The following KLHL1 variants were observed in gnomAD, a reference collection of about 807,000 sequenced individuals.
KLHL1 encodes the protein kelch-like protein 1.
A neutral mutation model predicts 77.7 loss-of-function variants in KLHL1; 47 were observed. The observed-to-expected ratio is 0.60, with a 90% CI of 0.48 to 0.77. The LOEUF is 0.77. Ranked by LOEUF, KLHL1 falls within the 30% of genes least tolerant of loss-of-function variation. The pLI, the probability that KLHL1 is intolerant of heterozygous loss-of-function variation, is 0.00. For missense variants in KLHL1, 925 were observed against 910.8 expected (o/e 1.02, Z -0.20); for synonymous variants, 360 against 325.2 (o/e 1.11, Z -1.15).
intron 6 of KLHL1, among the ~76,000 whole-genome samples, chr13:69,798,622 ATATT>A (rs1174901623): frequency 6.6e-6 from 1 of 151,954 alleles, no homozygotes; most frequent in Non-Finnish European, 1.5e-5. Flanking sequence ...ATATTTTAAT[ATATT>A]TATTATATTG....
intron 2 of KLHL1, among the ~76,000 whole-genome samples, chr13:69,970,464 C>G (rs1566458438): frequency 6.6e-6 from 1 of 152,038 alleles, no homozygotes; most frequent in Non-Finnish European, 1.5e-5. Context: ...TTCTTGCCTT[C>G]TTTATGAGGC....
At position 69,946,493 on chromosome 13, in the gene KLHL1, GATTTT is replaced by G. The variant is rs1883529427; in HGVS notation, c.818-6262_818-6258del. 2.0e-5 allele frequency among the ~76,000 whole-genome samples: 3 copies of G among 151,780 alleles called. No homozygotes were observed. In the South Asian group the frequency reaches 6.2e-4, roughly 31 times the overall value. On this transcript the variant is annotated intron_variant, in intron 3 of 10. Transcript: ENST00000377844. The stretch of plus-strand genomic sequence containing the variant: ...TATTATAATTTACATTGAGGATTGT[GATTTT>G]TTTTCTTCTTTGTTCTCCTTTTTTT...
intron 1 of KLHL1, among the ~76,000 whole-genome samples, chr13:70,067,446 A>T (rs1038086586): frequency 1.3e-5 from 2 of 152,156 alleles, no homozygotes; most frequent in Non-Finnish European, 2.9e-5. Flanking sequence ...ACAGCCACTA[A>T]GGGTTACATA....
At chr13:69,802,728 A>AC (rs1172745949) in intron 6 of KLHL1, among the ~76,000 whole-genome samples, 3 of 150,746 alleles carry the variant, frequency 2.0e-5, no homozygotes, top group Non-Finnish European at 4.4e-5. Flanking sequence ...TCTCACGTGC[A>AC]CCCCCATAGA....
At chr13:69,899,546 G>A (rs1477824494) in intron 4 of KLHL1, among the ~76,000 whole-genome samples, 2 of 152,158 alleles carry the variant, frequency 1.3e-5, no homozygotes, top group Non-Finnish European at 2.9e-5. Flanking sequence ...ATATATTGAT[G>A]CTAGTCATAA....
rs1206350784 is a variant in KLHL1, at chr13:69,859,002, T to A, written c.1228-19840A>T. 2.6e-5 allele frequency among the ~76,000 whole-genome samples: 4 copies of A among 152,200 alleles called. No homozygotes were observed. In the East Asian group the frequency reaches 7.8e-4, roughly 30 times the overall value. ...TATTCATATACGTGTCCATCCAAAC[T>A]TCCATCTCATACATTGTTACATAAC... On this transcript the variant is annotated intron_variant, in intron 5 of 10. Transcript: ENST00000377844.
chr13:69,723,994 C>T (rs551536750), intron 8 of KLHL1, among the ~76,000 whole-genome samples: 27 of 151,984 alleles, frequency 1.8e-4, no homozygotes, highest in Non-Finnish European at 3.1e-4. Flanking sequence ...CCCACCACCA[C>T]GCCTGGATAA....
At chr13:69,781,707 G>T (rs114003307) in intron 7 of KLHL1, among the ~76,000 whole-genome samples, 2 of 151,840 alleles carry the variant, frequency 1.3e-5, no homozygotes, top group Admixed American at 6.6e-5. Context: ...CATAAAATCC[G>T]TTTTTTTGTC....
chr13:70,009,592 A>C (rs890758199), intron 1 of KLHL1, among the ~76,000 whole-genome samples: 1 of 152,130 alleles, frequency 6.6e-6, no homozygotes. Context: ...GGGTAGTGAG[A>C]GTTGGAAAAG....
At chr13:70,000,897 G>GA (rs1434107243) in intron 1 of KLHL1, among the ~76,000 whole-genome samples, 2 of 143,182 alleles carry the variant, frequency 1.4e-5, no homozygotes, top group South Asian at 2.2e-4. Context: ...AAATAAAATA[G>GA]AAAAAAGCAA....
At chr13:69,732,741 C>T (rs1873603058) in intron 8 of KLHL1, among the ~76,000 whole-genome samples, 1 of 151,896 alleles carries the variant, frequency 6.6e-6, no homozygotes, top group Admixed American at 6.6e-5. Context: ...GCACCAGACA[C>T]ACCTAGTTTG....
At chr13:69,757,870 T>A (rs1444626279) in intron 7 of KLHL1, among the ~76,000 whole-genome samples, 3 of 145,292 alleles carry the variant, frequency 2.1e-5, no homozygotes, top group South Asian at 2.1e-4. Context: ...GGCAGGAGAA[T>A]CTCCTGAACT....
chr13:70,045,172 G>T (rs1886465370), intron 1 of KLHL1, among the ~76,000 whole-genome samples: 2 of 152,132 alleles, frequency 1.3e-5, no homozygotes, highest in Middle Eastern at 3.4e-3. Flanking sequence ...AAGTTATATG[G>T]TTTTTCTAAG....
chr13:69,860,213 G>A (rs932430053), intron 5 of KLHL1, among the ~76,000 whole-genome samples: 3 of 151,860 alleles, frequency 2.0e-5, no homozygotes, highest in Admixed American at 1.3e-4. Flanking sequence ...GATATGGAGT[G>A]GTAGAATATA....
intron 7 of KLHL1, among the ~76,000 whole-genome samples, chr13:69,773,805 C>A (rs1457151460): frequency 1.3e-5 from 2 of 151,306 alleles, no homozygotes; most frequent in East Asian, 3.9e-4. Context: ...AATGTGAAGG[C>A]AATATCATGT....
At chr13:69,751,124 GTGT>G (rs1874460686) in intron 7 of KLHL1, among the ~76,000 whole-genome samples, 1 of 151,364 alleles carries the variant, frequency 6.6e-6, no homozygotes. Context: ...GTGTGTGTGT[GTGT>G]GTGTGTGTGT....
At chr13:69,841,756 G>C (rs537674423) in intron 5 of KLHL1, among the ~76,000 whole-genome samples, 18 of 151,704 alleles carry the variant, frequency 1.2e-4, no homozygotes, top group South Asian at 2.1e-4. Flanking sequence ...AAATGTCAAA[G>C]CAATCCTGAT....
intron 5 of KLHL1, among the ~76,000 whole-genome samples, chr13:69,844,876 C>T (rs927041544): frequency 6.6e-6 from 1 of 151,664 alleles, no homozygotes; most frequent in Non-Finnish European, 1.5e-5. Context: ...TCTTAGCACA[C>T]ATCTTGGAAC....
At chr13:69,706,901 C>G (rs953178639) in intron 10 of KLHL1, among the ~76,000 whole-genome samples, 1 of 151,804 alleles carries the variant, frequency 6.6e-6, no homozygotes, top group African/African-American at 2.4e-5. Context: ...AACACACATC[C>G]TCTAGTTATG....
Sources: gnomAD v4.1 joint callset for allele counts (sites outside exome capture counted in the v4.1 genomes callset) on GRCh38, gnomAD v4.1.1 for gene constraint, MANE v1.5 for transcripts, NCBI Gene and HGNC (gene_info 2026-07-23, HGNC 2026-07-21) for gene names.